CPQ: variants seen among roughly 807,000 people sequenced by gnomAD.
CPQ encodes Ser-Met dipeptidase.
CPQ carries 37 observed loss-of-function variants against 45.7 expected under a neutral mutation model. The ratio of observed to expected loss-of-function variants is 0.81; its 90% CI spans 0.62 to 1.07. The LOEUF (loss-of-function observed/expected upper bound fraction) is 1.07. Ranked by LOEUF, CPQ falls within the 50% of genes least tolerant of loss-of-function variation. The pLI is 0.00. For missense variants in CPQ, 537 were observed against 572.9 expected (o/e 0.94, Z 0.64); for synonymous variants, 186 against 205.8 (o/e 0.90, Z 0.82).
intron 1 of CPQ, among the ~76,000 whole-genome samples, chr8:96,649,502 G>A (rs557572783): frequency 6.6e-6 from 1 of 152,340 alleles, no homozygotes; most frequent in South Asian, 2.1e-4. Context: ...TTAATGACTA[G>A]CTGGAGCTGG....
chr8:97,099,622 A>T (rs1320161076), intron 7 of CPQ, among the ~76,000 whole-genome samples: 1 of 152,048 alleles, frequency 6.6e-6, no homozygotes. Context: ...TTGTAGAGCA[A>T]AGCAGCTCTA....
intron 4 of CPQ, among the ~76,000 whole-genome samples, chr8:96,904,277 A>T (rs185990501): frequency 2.4e-4 from 37 of 152,294 alleles, no homozygotes; most frequent in Admixed American, 2.1e-3. Context: ...AAATAGGGCC[A>T]CGTTTGCCGC....
intron 1 of CPQ, among the ~76,000 whole-genome samples, chr8:96,716,349 A>AT (rs1203353898): frequency 2.0e-5 from 3 of 152,126 alleles, no homozygotes; most frequent in African/African-American, 7.2e-5. Flanking sequence ...ATTTTAATAG[A>AT]TTTTAAGGGA....
intron 1 of CPQ, among the ~76,000 whole-genome samples, chr8:96,707,233 G>T (rs1809541876): frequency 6.6e-6 from 1 of 152,088 alleles, no homozygotes; most frequent in Non-Finnish European, 1.5e-5. Flanking sequence ...TCTATGCACT[G>T]CCCAATACAG....
intron 5 of CPQ, among the ~76,000 whole-genome samples, chr8:96,994,975 G>A (rs1235766113): frequency 6.6e-6 from 1 of 151,996 alleles, no homozygotes; most frequent in Non-Finnish European, 1.5e-5. Context: ...AATGATGGGA[G>A]CCTAAACAAG....
At chr8:96,732,778 A>G (rs571723197) in intron 1 of CPQ, among the ~76,000 whole-genome samples, 1 of 152,292 alleles carries the variant, frequency 6.6e-6, no homozygotes, top group African/African-American at 2.4e-5. Flanking sequence ...TGACATACCT[A>G]TGCTCACATC....
At position 96,980,766 on chromosome 8, in the gene CPQ, A is replaced by G. The variant is rs565858183; in HGVS notation, c.961+14720A>G. On this transcript the variant is annotated intron_variant, in intron 5 of 7. Coordinates refer to ENST00000220763, the MANE Select transcript of CPQ (RefSeq NM_016134.4). The stretch of plus-strand genomic sequence containing the variant: ...TTTGGCCTGGATAAGTTAACTCACA[A>G]ACCTTCACCCCAGTGTAGCCACCAT... 5.1e-4 allele frequency among the ~76,000 whole-genome samples: 77 copies of G among 152,298 alleles called. 1 individual carries two copies. Among genetic ancestry groups the G allele is most frequent in the African/African-American group, 1.9e-3 (77 of 41,570 alleles).
intron 1 of CPQ, among the ~76,000 whole-genome samples, chr8:96,667,311 T>C (rs1158962163): frequency 6.6e-6 from 1 of 152,080 alleles, no homozygotes; most frequent in Non-Finnish European, 1.5e-5. Flanking sequence ...TTTTTTGATT[T>C]CTCTAATTTT....
intron 6 of CPQ, among the ~76,000 whole-genome samples, chr8:97,031,949 A>G (rs545150677): frequency 1.2e-3 from 177 of 152,350 alleles, no homozygotes; most frequent in African/African-American, 3.2e-3. Context: ...TATGATTAGC[A>G]TATTGATATT....
In CPQ at chr8:96,880,518, CATATATATATATATATATAT is replaced by C. The variant is rs200512558; in HGVS notation, c.849+553_849+572del. On this transcript the variant is annotated intron_variant, in intron 4 of 7. Transcript: ENST00000220763. ...GCTGGCTAAAAAACAAATATATGGTCATATATATATATATATATATATATATATATATATATATATATATA... is the reference window on the plus strand; with the variant it reads ...GCTGGCTAAAAAACAAATATATGGTCATATATATATATATATATATATATA... Among the ~76,000 whole-genome samples, 373 of 97,304 alleles carry C rather than the reference CATATATATATATATATATAT, an allele frequency of 3.8e-3. 9 individuals carry two copies. The highest frequency in any genetic ancestry group is 0.011 in the African/African-American group (265 of 24,144). 63.8% of individuals were successfully genotyped at this position (97,304 alleles called of 152,430 possible).
At chr8:96,858,918 G>A (rs1317756643) in intron 3 of CPQ, among the ~76,000 whole-genome samples, 1 of 152,154 alleles carries the variant, frequency 6.6e-6, no homozygotes, top group African/African-American at 2.4e-5. Flanking sequence ...GTGTGTTTGT[G>A]TAGTTTTGTG....
rs184486312 is a variant in CPQ, at chr8:96,834,923, C to A, written c.434-50C>A. On this transcript the variant is annotated intron_variant, in intron 2 of 7. Transcript: ENST00000220763. ...TGTGACCTTTCCTGTGCCAATTCAA[C>A]CCAGCTGATGGGAAACTGTAAGTTA... 1.0e-5 allele frequency: 16 copies of A among 1,545,214 alleles called. No individual in the cohort carries two copies. The African/African-American group carries it at 2.0e-4, about 20-fold the overall frequency.
intron 6 of CPQ, among the ~76,000 whole-genome samples, chr8:97,040,955 T>G (rs1242902178): frequency 6.6e-6 from 1 of 152,090 alleles, no homozygotes; most frequent in East Asian, 1.9e-4. Flanking sequence ...TAGGATTGAC[T>G]TGGTGATGCG....
chr8:96,876,692 T>C (rs1430232117), intron 3 of CPQ, among the ~76,000 whole-genome samples: 1 of 152,192 alleles, frequency 6.6e-6, no homozygotes, highest in Non-Finnish European at 1.5e-5. Flanking sequence ...AATCATGTGG[T>C]ATTGTCCTTT....
rs115261669 is a variant in CPQ, at chr8:96,899,511, C to T, written c.849+19506C>T. On this transcript the variant is annotated intron_variant, in intron 4 of 7. Transcript: ENST00000220763. Reference sequence around the variant, plus strand: ...ATAGGAAGCATGGTGCTGACATCTGCTCGGCTTCTGGGGAGGACTTAGGAA... The same window carrying T: ...ATAGGAAGCATGGTGCTGACATCTGTTCGGCTTCTGGGGAGGACTTAGGAA... Among the ~76,000 whole-genome samples the T allele has an allele frequency of 5.5e-3, 832 of 152,206 alleles. 3 individuals are homozygous for T. The highest frequency in any genetic ancestry group is 0.016 in the African/African-American group (668 of 41,526).
At chr8:96,906,675 G>A (rs535709296) in intron 4 of CPQ, among the ~76,000 whole-genome samples, 1 of 152,168 alleles carries the variant, frequency 6.6e-6, no homozygotes, top group Admixed American at 6.5e-5. Context: ...CTCATAGATG[G>A]GGCTTTTTTG....
At chr8:96,806,290 A>T (rs1170649720) in intron 2 of CPQ, among the ~76,000 whole-genome samples, 2 of 152,174 alleles carry the variant, frequency 1.3e-5, no homozygotes, top group Non-Finnish European at 2.9e-5. Context: ...TTTACCTTTA[A>T]CATAAAAGTT....
intron 4 of CPQ, among the ~76,000 whole-genome samples, chr8:96,894,016 C>T (rs1812410926): frequency 6.6e-6 from 1 of 152,166 alleles, no homozygotes; most frequent in Non-Finnish European, 1.5e-5. Context: ...TAGCTTCCTC[C>T]TTGCTCTTTC....
chr8:96,765,424 A>G (rs1810454694), intron 1 of CPQ, among the ~76,000 whole-genome samples: 1 of 152,126 alleles, frequency 6.6e-6, no homozygotes, highest in Non-Finnish European at 1.5e-5. Flanking sequence ...GTGAATGTGA[A>G]TAATTGGTGT....
Sources: gnomAD v4.1 joint callset for allele counts (sites outside exome capture counted in the v4.1 genomes callset) on GRCh38, gnomAD v4.1.1 for gene constraint, MANE v1.5 for transcripts, NCBI Gene and HGNC (gene_info 2026-07-23, HGNC 2026-07-21) for gene names.